NOCT: variants seen among roughly 807,000 people sequenced by gnomAD.
NOCT encodes the protein nocturnin, also known as CCR4 carbon catabolite repression 4-like.
NOCT carries 18 observed loss-of-function variants against 35.0 expected under a neutral mutation model. The observed-to-expected ratio is 0.51, with a 90% CI of 0.36 to 0.76. The LOEUF is 0.76. Among genes scored for constraint, NOCT ranks in the 30% least tolerant of loss-of-function variants. NOCT has a pLI of 0.01. For missense variants in NOCT, 479 were observed against 541.0 expected (o/e 0.89, Z 1.14); for synonymous variants, 235 against 226.3 (o/e 1.04, Z -0.34).
intron 1 of NOCT, among the ~76,000 whole-genome samples, chr4:139,041,057 T>G (rs1221980221): frequency 6.6e-6 from 1 of 152,242 alleles, no homozygotes; most frequent in Non-Finnish European, 1.5e-5. Flanking sequence ...TGTGTGTATT[T>G]GTGGGAGAGC....
intron 1 of NOCT, among the ~76,000 whole-genome samples, chr4:139,037,574 T>G (rs1440110042): frequency 2.0e-5 from 3 of 152,024 alleles, no homozygotes; most frequent in Non-Finnish European, 4.4e-5. Flanking sequence ...CTGGCCCAAG[T>G]TTTATTAATA....
chr4:139,032,766 C>T (rs978264088), intron 1 of NOCT, among the ~76,000 whole-genome samples: 4 of 151,894 alleles, frequency 2.6e-5, no homozygotes, highest in Admixed American at 1.3e-4. Flanking sequence ...TGTGAAGGTT[C>T]GAAAATCTTT....
At chr4:139,029,353 G>A (rs1726582442) in intron 1 of NOCT, among the ~76,000 whole-genome samples, 1 of 152,242 alleles carries the variant, frequency 6.6e-6, no homozygotes, top group African/African-American at 2.4e-5. Context: ...GATCCTATTA[G>A]TAAACAGTGG....
intron 1 of NOCT, among the ~76,000 whole-genome samples, chr4:139,034,847 C>G (rs1234358990): frequency 1.3e-5 from 2 of 152,208 alleles, no homozygotes; most frequent in African/African-American, 4.8e-5. Flanking sequence ...AGGCGTGAGC[C>G]ACTGTGCCCG....
chr4:139,043,419 A>G lies in NOCT; in HGVS notation c.460+76A>G, dbSNP rs576683980. On this transcript the variant is annotated intron_variant, in intron 2 of 2. Coordinates refer to ENST00000280614, the MANE Select transcript of NOCT (RefSeq NM_012118.4). ...TTCTGCTTCTGCACATCCACAGTGCACTGTTTTATGTGGAAGGAAGAGGTG... is the reference window on the plus strand; with the variant it reads ...TTCTGCTTCTGCACATCCACAGTGCGCTGTTTTATGTGGAAGGAAGAGGTG... The G allele has an allele frequency of 1.1e-5, 16 of 1,428,846 alleles. No homozygotes were observed. The African/African-American group carries it at 1.8e-4, about 16-fold the overall frequency. 88.5% of individuals were successfully genotyped at this position (1,428,846 alleles called of 1,614,324 possible). A position where few individuals can be genotyped will look rare whatever the true frequency, so the allele number is the denominator to read the frequency against.
intron 1 of NOCT, among the ~76,000 whole-genome samples, chr4:139,039,446 A>G (rs928514420): frequency 6.6e-6 from 1 of 151,568 alleles, no homozygotes; most frequent in Non-Finnish European, 1.5e-5. Flanking sequence ...CTTTTTTTCA[A>G]TATCTACTTT....
intron 1 of NOCT, among the ~76,000 whole-genome samples, chr4:139,025,185 G>C (rs1726489706): frequency 6.6e-6 from 1 of 152,062 alleles, no homozygotes; most frequent in South Asian, 2.1e-4. Flanking sequence ...TGGTTCTATG[G>C]AGCAACCAAA....
intron 1 of NOCT, among the ~76,000 whole-genome samples, chr4:139,022,114 TA>T (rs1726426841): frequency 6.6e-6 from 1 of 152,198 alleles, no homozygotes; most frequent in Admixed American, 6.5e-5. Flanking sequence ...TATACTTCAG[TA>T]GATAATTAGA....
At chr4:139,021,662 A>G (rs1227969813) in intron 1 of NOCT, among the ~76,000 whole-genome samples, 1 of 152,168 alleles carries the variant, frequency 6.6e-6, no homozygotes, top group African/African-American at 2.4e-5. Flanking sequence ...TTACTAAAAG[A>G]AAAGTGAGGT....
In NOCT at chr4:139,045,011, G is replaced by A; in HGVS notation, c.833G>A (p.Arg278Gln). ...ACCCTGGAGTGCAAGGAGTCAGGCC[G>A]ACAGTTCTGCATCGCTGTTACCCAT... ...AQTLECKESG[R>Q]QFCIAVTHLK... The change falls in exon 3 of 3, where the codon CGA becomes CAA. Residue 278 changes from arginine to glutamine, a missense_variant. Physicochemically the swap from Arg to Gln is conservative, Grantham distance 43. Transcript: ENST00000280614. The A allele has an allele frequency of 1.9e-6, 3 of 1,614,208 alleles. No homozygotes were observed. Among genetic ancestry groups the A allele is most frequent in the Non-Finnish European group, 2.5e-6 (3 of 1,180,048 alleles).
At chr4:139,023,988 T>G (rs1360012799) in intron 1 of NOCT, among the ~76,000 whole-genome samples, 1 of 152,098 alleles carries the variant, frequency 6.6e-6, no homozygotes, top group Non-Finnish European at 1.5e-5. Context: ...GTTCTCATGT[T>G]CTTGAACTCC....
chr4:139,019,310 T>C (rs1726368938), intron 1 of NOCT, among the ~76,000 whole-genome samples: 1 of 152,178 alleles, frequency 6.6e-6, no homozygotes, highest in South Asian at 2.1e-4. Flanking sequence ...TGCTTTGGCC[T>C]TCCAAAGTGC....
At chr4:139,027,235 C>T (rs1460586333) in intron 1 of NOCT, among the ~76,000 whole-genome samples, 4 of 150,840 alleles carry the variant, frequency 2.7e-5, no homozygotes, top group African/African-American at 4.9e-5. Context: ...AGTGCAGTGG[C>T]GCAGAGCCAG....
intron 1 of NOCT, among the ~76,000 whole-genome samples, chr4:139,040,723 A>T (rs1271392330): frequency 2.0e-5 from 3 of 152,174 alleles, no homozygotes; most frequent in Non-Finnish European, 4.4e-5. Context: ...GTCACTGTTT[A>T]TTTCACATTT....
chr4:139,044,715 C>G lies in NOCT; in HGVS notation c.537C>G (p.Ile179Met). 1.2e-6 allele frequency: 2 copies of G among 1,614,160 alleles called. No homozygotes were observed. The highest frequency in any genetic ancestry group is 1.7e-6 in the Non-Finnish European group (2 of 1,180,010). ...AATGGGAAGAAAGGAAATGTCTCATCCTGGAAGAAATCCTGGCCTACCAGC... is the reference window on the plus strand; with the variant it reads ...AATGGGAAGAAAGGAAATGTCTCATGCTGGAAGAAATCCTGGCCTACCAGC... ...ALKWEERKCL[I>M]LEEILAYQPD... Residue 179 changes from isoleucine (I) to methionine (M), a missense_variant, in exon 3 of 3, where the codon ATC becomes ATG. This residue lies in a region of NOCT where 265 missense variants were observed against 257.0 expected (regional missense o/e 1.03). Transcript: ENST00000280614.
intron 1 of NOCT, among the ~76,000 whole-genome samples, chr4:139,018,020 A>C (rs559256669): frequency 5.3e-5 from 8 of 152,010 alleles, no homozygotes; most frequent in Non-Finnish European, 1.2e-4. Flanking sequence ...TAAAATTAGG[A>C]TGTTGAATTG....
chr4:139,015,870 TG>T lies in NOCT; in HGVS notation c.-109del. The stretch of plus-strand genomic sequence containing the variant: ...AACCTGCGCCGCGCGAGAAGGAGCC[TG>T]GGAGCATCCGCCCACACTGCCCGGA... On this transcript the variant is annotated 5_prime_UTR_variant, in exon 1 of 3. Coordinates refer to ENST00000280614, the MANE Select transcript of NOCT (RefSeq NM_012118.4). 1 of 857,324 alleles carries T rather than the reference TG, an allele frequency of 1.2e-6. No individual in the cohort carries two copies. Among genetic ancestry groups the T allele is most frequent in the Non-Finnish European group, 1.5e-6 (1 of 649,290 alleles). 53.1% of individuals were successfully genotyped at this position (857,324 alleles called of 1,614,324 possible).
chr4:139,039,500 T>C (rs909890145), intron 1 of NOCT, among the ~76,000 whole-genome samples: 27 of 152,086 alleles, frequency 1.8e-4, no homozygotes, highest in African/African-American at 6.0e-4. Context: ...TTTGTTCCCT[T>C]TCGTTGGTCT....
chr4:139,016,747 G>A (rs1726314705), intron 1 of NOCT, among the ~76,000 whole-genome samples: 1 of 131,982 alleles, frequency 7.6e-6, no homozygotes, highest in African/African-American at 2.8e-5. Context: ...TCCCGCTCCC[G>A]GGTTCAAGCG....
Sources: gnomAD v4.1 joint callset for allele counts (sites outside exome capture counted in the v4.1 genomes callset) on GRCh38, gnomAD v4.1.1 for gene constraint, gnomAD v4.1.1 regional missense constraint, MANE v1.5 for transcripts, NCBI Gene and HGNC (gene_info 2026-07-23, HGNC 2026-07-21) for gene names.